Variants in LRRC18 observed in about 807,000 individuals in gnomAD.
LRRC18 encodes leucine-rich repeat-containing protein 18.
LRRC18 carries 12 observed loss-of-function variants against 11.2 expected under a neutral mutation model. The ratio of observed to expected loss-of-function variants is 1.07; its 90% CI spans 0.69 to 1.74. LRRC18 has a LOEUF of 1.74. Ranked by LOEUF, LRRC18 falls within the 40% of genes most tolerant of loss-of-function variation. The probability of loss-of-function intolerance (pLI) is 0.00; values close to 1 mark genes in which losing one functional copy is unlikely to be tolerated. For synonymous variants in LRRC18, 155 were observed against 130.6 expected (o/e 1.19, Z -1.27); for missense variants, 374 against 330.5 (o/e 1.13, Z -1.02).
At chr10:48,935,839 C>T in the LRRC18 span, among the ~76,000 whole-genome samples, 2 of 151,628 alleles carry the variant, frequency 1.3e-5, no homozygotes, top group South Asian at 4.1e-4. Context: ...TTTGCTTTTC[C>T]TGCTGTTTCC....
intron 1 of LRRC18, among the ~76,000 whole-genome samples, chr10:48,912,967 T>A (rs916810242): frequency 1.3e-5 from 2 of 152,242 alleles, no homozygotes; most frequent in African/African-American, 4.8e-5. Flanking sequence ...TGAGATTCCT[T>A]GCCTTTGAAG....
the LRRC18 span, among the ~76,000 whole-genome samples, chr10:48,929,127 C>A: frequency 6.6e-6 from 1 of 151,804 alleles, no homozygotes; most frequent in Non-Finnish European, 1.5e-5. Flanking sequence ...GAGCAGAGAT[C>A]AGAGGAAGTG....
chr10:48,923,157 G>C, the LRRC18 span, among the ~76,000 whole-genome samples: 3 of 152,174 alleles, frequency 2.0e-5, no homozygotes, highest in East Asian at 3.9e-4. Context: ...ATTTTGTTAA[G>C]CCCCCACACA....
chr10:48,921,280 A>T, the LRRC18 span, among the ~76,000 whole-genome samples: 1 of 136,308 alleles, frequency 7.3e-6, no homozygotes, highest in Non-Finnish European at 1.6e-5. Flanking sequence ...GGTCAATGGA[A>T]CAGAAAATAG....
At chr10:48,937,798 AT>A in the LRRC18 span, among the ~76,000 whole-genome samples, 9 of 152,190 alleles carry the variant, frequency 5.9e-5, no homozygotes, top group African/African-American at 2.2e-4. Flanking sequence ...TGGATTTCTA[AT>A]GCCCTGCCTG....
intron 1 of LRRC18, among the ~76,000 whole-genome samples, chr10:48,911,143 G>T (rs1026708142): frequency 1.3e-5 from 2 of 152,192 alleles, no homozygotes; most frequent in South Asian, 4.1e-4. Flanking sequence ...TGGCAGGCTA[G>T]CGGTGGCTCC....
exon 2 of LRRC18, chr10:48,909,524 A>G (rs560838490): frequency 1.1e-4 from 17 of 152,306 alleles, no homozygotes; most frequent in Non-Finnish European, 2.2e-4. Flanking sequence ...GGTTCTTACA[A>G]GCTGTACAGG....
At chr10:48,933,774 G>A in the LRRC18 span, among the ~76,000 whole-genome samples, 980 of 152,254 alleles carry the variant, frequency 6.4e-3, 10 homozygotes, top group Non-Finnish European at 0.011. Context: ...AGACATGGGC[G>A]TGGTTCAATT....
the LRRC18 span, among the ~76,000 whole-genome samples, chr10:48,928,245 C>G: frequency 1.3e-5 from 2 of 152,166 alleles, no homozygotes; most frequent in Non-Finnish European, 2.9e-5. Flanking sequence ...GGATGGTCTC[C>G]TGAACCCCAC....
At chr10:48,930,079 T>G in the LRRC18 span, among the ~76,000 whole-genome samples, 1 of 152,070 alleles carries the variant, frequency 6.6e-6, no homozygotes, top group Admixed American at 6.6e-5. Context: ...CCATTTCAGT[T>G]CCTAGCACAG....
chr10:48,911,330 C>T lies in LRRC18; in HGVS notation c.765-1072G>A, dbSNP rs531926059. 8.5e-5 allele frequency among the ~76,000 whole-genome samples: 13 copies of T among 152,244 alleles called. No individual in the cohort carries two copies. The South Asian group carries it at 1.7e-3, about 19-fold the overall frequency. ...GGTTCTCTACTACGTTACTGGTAGG[C>T]GTATGTGTGTAAACCTTTTATGAGC... On this transcript the variant is annotated intron_variant, in intron 1 of 1. Coordinates refer to ENST00000374160, the Ensembl canonical transcript of LRRC18.
the LRRC18 span, among the ~76,000 whole-genome samples, chr10:48,929,237 A>G: frequency 1.3e-5 from 2 of 151,738 alleles, no homozygotes; most frequent in East Asian, 1.9e-4. Flanking sequence ...GAGAAGGAGG[A>G]CAGAGGAAGA....
chr10:48,915,706 C>A (rs1258329945), upstream of LRRC18, among the ~76,000 whole-genome samples: 1 of 152,204 alleles, frequency 6.6e-6, no homozygotes, highest in African/African-American at 2.4e-5. Flanking sequence ...CCACTCATAG[C>A]TGAAGGGTCA....
chr10:48,929,374 G>A, the LRRC18 span, among the ~76,000 whole-genome samples: 1 of 152,202 alleles, frequency 6.6e-6, no homozygotes. Flanking sequence ...ATAGCCTCTA[G>A]GCTCCAGCAG....
At chr10:48,914,729 A>G (rs79892871), upstream of LRRC18, among the ~76,000 whole-genome samples, 56 of 152,274 alleles carry the variant, frequency 3.7e-4, no homozygotes, top group Non-Finnish European at 6.0e-4. Flanking sequence ...TCTTCCCCTC[A>G]TGGACCCAGA....
exon 2 of LRRC18, chr10:48,909,958 T>C (rs1392511607): frequency 4.3e-6 from 2 of 460,634 alleles, no homozygotes; most frequent in Middle Eastern, 5.8e-4. Context: ...TATTTAGTTG[T>C]CTATAATATA....
At chr10:48,922,921 A>C in the LRRC18 span, among the ~76,000 whole-genome samples, 1 of 152,156 alleles carries the variant, frequency 6.6e-6, no homozygotes, top group African/African-American at 2.4e-5. Context: ...GTCACAAGTG[A>C]GTTTTCTGGG....
At chr10:48,936,005 G>GA in the LRRC18 span, among the ~76,000 whole-genome samples, 5 of 151,600 alleles carry the variant, frequency 3.3e-5, no homozygotes, top group Admixed American at 3.3e-4. Flanking sequence ...TAAAGCATTG[G>GA]AAAAAAATTT....
At chr10:48,910,186 A>T in exon 2 of LRRC18, 3 of 1,451,890 alleles carry the variant, frequency 2.1e-6, no homozygotes, top group Non-Finnish European at 2.9e-6. Flanking sequence ...TCCTCTTCAG[A>T]GTCGTTTATT....
Sources: gnomAD v4.1 joint callset for allele counts (sites outside exome capture counted in the v4.1 genomes callset) on GRCh38, gnomAD v4.1.1 for gene constraint, MANE v1.5 for transcripts, NCBI Gene and HGNC (gene_info 2026-07-23, HGNC 2026-07-21) for gene names.